Variants in ADAMTSL1 observed in about 807,000 individuals in gnomAD.
ADAMTSL1 encodes the protein ADAMTS-like protein 1.
ADAMTSL1 carries 126 observed loss-of-function variants against 201.8 expected under a neutral mutation model. That is an observed-to-expected ratio of 0.62 (90% CI 0.54 to 0.72). The LOEUF is 0.72. ADAMTSL1 is among the 30% of genes least tolerant of loss of function. The pLI, the probability that ADAMTSL1 is intolerant of heterozygous loss-of-function variation, is 0.00. For synonymous variants in ADAMTSL1, 1,121 were observed against 903.4 expected, an observed-to-expected ratio of 1.24 and a Z score of -4.32; for missense variants, 2,679 against 2,277.8, an observed-to-expected ratio of 1.18 and a Z score of -3.59.
At chr9:18,853,914 T>TGTGA (rs1010345498) in intron 23 of ADAMTSL1, among the ~76,000 whole-genome samples, 1 of 124,294 alleles carries the variant, frequency 8.0e-6, no homozygotes, top group Non-Finnish European at 1.8e-5. Flanking sequence ...TGTGTGTGTG[T>TGTGA]GTGTGCGCGT....
At chr9:18,569,756 G>A (rs531473522) in intron 3 of ADAMTSL1, among the ~76,000 whole-genome samples, 10 of 152,088 alleles carry the variant, frequency 6.6e-5, no homozygotes, top group Non-Finnish European at 7.4e-5. Flanking sequence ...CAAGTTCAGT[G>A]CAAAAATATA....
chr9:18,613,965 T>C (rs1489677220), intron 4 of ADAMTSL1, among the ~76,000 whole-genome samples: 1 of 152,114 alleles, frequency 6.6e-6, no homozygotes, highest in Non-Finnish European at 1.5e-5. Context: ...ATTGAGAAGG[T>C]ATTAATTTTC....
intron 14 of ADAMTSL1, among the ~76,000 whole-genome samples, chr9:18,710,283 G>C (rs1056895615): frequency 2.0e-5 from 3 of 152,166 alleles, no homozygotes; most frequent in Non-Finnish European, 4.4e-5. Context: ...AAAATGTATT[G>C]AGTGTTGACC....
At chr9:18,313,091 A>T (rs1278709097) in intron 2 of ADAMTSL1, among the ~76,000 whole-genome samples, 1 of 152,200 alleles carries the variant, frequency 6.6e-6, no homozygotes, top group Middle Eastern at 3.2e-3. Flanking sequence ...GGTTGGAATG[A>T]CATGTGACTA....
intron 1 of ADAMTSL1, among the ~76,000 whole-genome samples, chr9:18,491,519 A>G (rs915917946): frequency 3.1e-4 from 47 of 152,234 alleles, no homozygotes; most frequent in Admixed American, 3.0e-3. Flanking sequence ...CTCTGCAAGC[A>G]TTGAGAGCCA....
intron 15 of ADAMTSL1, among the ~76,000 whole-genome samples, chr9:18,742,728 C>G (rs1040149959): frequency 6.6e-6 from 1 of 151,296 alleles, no homozygotes; most frequent in African/African-American, 2.4e-5. Context: ...GAAACTCACT[C>G]TGTATAAAGG....
chr9:18,835,102 T>C (rs1825232750), intron 23 of ADAMTSL1, among the ~76,000 whole-genome samples: 1 of 152,186 alleles, frequency 6.6e-6, no homozygotes. Context: ...AAGAAAGTTC[T>C]GAGTTCTCCT....
intron 1 of ADAMTSL1, among the ~76,000 whole-genome samples, chr9:18,489,475 C>T (rs147391189): frequency 2.6e-5 from 4 of 152,182 alleles, no homozygotes; most frequent in African/African-American, 9.6e-5. Context: ...CAGGATGTCG[C>T]GTAATCTGAA....
At chr9:18,647,106 G>A (rs1387045500) in intron 7 of ADAMTSL1, among the ~76,000 whole-genome samples, 1 of 148,850 alleles carries the variant, frequency 6.7e-6, no homozygotes, top group African/African-American at 2.5e-5. Context: ...CTTCTTCCTG[G>A]TTTAGTCTTG....
intron 2 of ADAMTSL1, among the ~76,000 whole-genome samples, chr9:18,386,910 T>A (rs904206921): frequency 6.9e-4 from 105 of 152,216 alleles, no homozygotes; most frequent in African/African-American, 2.4e-3. Flanking sequence ...AGCTCTAAAT[T>A]TCATAGTTAC....
chr9:18,703,645 G>A (rs1236326751), intron 13 of ADAMTSL1, among the ~76,000 whole-genome samples: 2 of 138,548 alleles, frequency 1.4e-5, no homozygotes, highest in East Asian at 2.1e-4. Context: ...TATTGTTTTT[G>A]CTATTAACCC....
At position 18,684,752 on chromosome 9, in the gene ADAMTSL1, A is replaced by G. The variant is rs752710998; in HGVS notation, c.1526A>G (p.Lys509Arg). The change falls in exon 13 of 29, where the codon AAA (lysine) becomes AGA (arginine). Residue 509 changes from lysine to arginine, a missense_variant. Lys to Arg is a conservative substitution (Grantham distance 26, BLOSUM62 2). Coordinates refer to ENST00000380548, the MANE Select transcript of ADAMTSL1 (RefSeq NM_001040272.6). The part of the protein sequence containing the change: ...LPVEAKLPWF[K>R]QAQELEEGAA... ...GTCGAGGCCAAGTTGCCATGGTTCAAACAAGCTCAAGAGCTAGAAGAAGGA... is the reference window on the plus strand; with the variant it reads ...GTCGAGGCCAAGTTGCCATGGTTCAGACAAGCTCAAGAGCTAGAAGAAGGA... 7.4e-5 allele frequency: 119 copies of G among 1,613,114 alleles called. No homozygotes were observed. In the Admixed American group the frequency reaches 2.0e-3, roughly 27 times the overall value.
At chr9:18,326,282 G>T (rs933185866) in intron 2 of ADAMTSL1, among the ~76,000 whole-genome samples, 1 of 152,194 alleles carries the variant, frequency 6.6e-6, no homozygotes, top group African/African-American at 2.4e-5. Context: ...AAGGAGGAGG[G>T]CTTAACTGGA....
intron 1 of ADAMTSL1, among the ~76,000 whole-genome samples, chr9:18,113,346 G>A (rs538643224): frequency 1.3e-5 from 2 of 152,222 alleles, no homozygotes; most frequent in South Asian, 2.1e-4. Context: ...TCCAAATGAG[G>A]TGGGGGAGGT....
At chr9:18,226,678 A>G (rs1587352241) in intron 2 of ADAMTSL1, among the ~76,000 whole-genome samples, 1 of 151,778 alleles carries the variant, frequency 6.6e-6, no homozygotes, top group South Asian at 2.2e-4. Flanking sequence ...ATTCAGCCTT[A>G]ACTGGTCTTT....
At chr9:18,796,396 A>G (rs1588125824) in intron 20 of ADAMTSL1, 1 of 152,226 alleles carries the variant, frequency 6.6e-6, no homozygotes, top group Non-Finnish European at 1.5e-5. Context: ...GATCTGGGCC[A>G]TCCAGTCTTT....
intron 1 of ADAMTSL1, among the ~76,000 whole-genome samples, chr9:17,942,290 T>C (rs1304056223): frequency 2.0e-5 from 3 of 152,132 alleles, no homozygotes. Flanking sequence ...TTAACAAATA[T>C]TACCTTGTAT....
rs575301372 is a variant in ADAMTSL1 at position 18,653,530 on chromosome 9, C to G, written c.835-4109C>G. 9.3e-4 allele frequency among the ~76,000 whole-genome samples: 141 copies of G among 151,494 alleles called. 1 individual carries two copies. Among genetic ancestry groups the G allele is most frequent in the African/African-American group, 3.4e-3 (139 of 41,282 alleles). ...GTGGCTTATGCCTGGAATGCTGGCA[C>G]TTTTGGGAGCTGAGGCAGGAGAACT... On this transcript the variant is annotated intron_variant, in intron 7 of 28. Transcript: ENST00000380548.
chr9:17,961,199 G>T (rs1299257863), intron 1 of ADAMTSL1, among the ~76,000 whole-genome samples: 3 of 151,968 alleles, frequency 2.0e-5, no homozygotes, highest in Non-Finnish European at 4.4e-5. Context: ...TCTCTCTGAG[G>T]CTGTTTTTTC....
Sources: gnomAD v4.1 joint callset for allele counts (sites outside exome capture counted in the v4.1 genomes callset) on GRCh38, gnomAD v4.1.1 for gene constraint, MANE v1.5 for transcripts, NCBI Gene and HGNC (gene_info 2026-07-23, HGNC 2026-07-21) for gene names.